The following APOL3 variants were observed in gnomAD, a reference collection of about 807,000 sequenced individuals.
APOL3 encodes the protein apolipoprotein L3.
A neutral mutation model predicts 11.6 loss-of-function variants in APOL3; 14 were observed. That is an observed-to-expected ratio of 1.21 (90% CI 0.80 to 1.89). The LOEUF (loss-of-function observed/expected upper bound fraction) is 1.89, where lower values mean the gene tolerates loss of function less well. Ranked by LOEUF, APOL3 falls within the 40% of genes most tolerant of loss-of-function variation. APOL3 has a pLI of 0.00. For synonymous variants in APOL3, 192 were observed against 190.6 expected, an observed-to-expected ratio of 1.01 and a Z score of -0.06; for missense variants, 483 against 492.1, an observed-to-expected ratio of 0.98 and a Z score of 0.17.
intron 1 of APOL3, 104 bp downstream of exon 1, chr22:36,160,565 T>A: frequency 1.6e-6 from 2 of 1,250,500 alleles, no homozygotes; most frequent in Non-Finnish European, 2.3e-6. Context: ...CTCAGTCAGT[T>A]ACCTAACCTC....
chr22:36,160,433 G>C (rs2013590733), intron 1 of APOL3, among the ~76,000 whole-genome samples: 1 of 152,200 alleles, frequency 6.6e-6, no homozygotes, highest in South Asian at 2.1e-4. Context: ...AGGAAGCTTT[G>C]TGAACCCAGC....
exon 3 of APOL3, chr22:36,141,302 A>G: frequency 1.2e-6 from 2 of 1,614,142 alleles, no homozygotes; most frequent in Non-Finnish European, 1.7e-6. Context: ...CAGCAGATGC[A>G]GACTTTGCCC....
chr22:36,146,017 A>ACACG (rs2060202083), intron 1 of APOL3: 1 of 120,344 alleles, frequency 8.3e-6, no homozygotes, highest in African/African-American at 2.7e-5. Context: ...ACTCACACAC[A>ACACG]CACACACACA....
In APOL3 at chr22:36,146,549, T is replaced by C. The variant is rs1443034259; in HGVS notation, c.224-950A>G. 4.0e-5 allele frequency: 6 copies of C among 151,214 alleles called. No homozygotes were observed. The East Asian group carries it at 1.2e-3, about 29-fold the overall frequency. The allele number at this position is 151,214 out of a possible 1,614,324, so 9.4% of individuals were successfully genotyped here. ...ATTCTTTTGTAAGATATTTGAAATA[T>C]ATATAATATATATATACATAAGGGT... is the stretch of plus-strand genomic sequence containing the variant. On this transcript the variant is annotated intron_variant, in intron 1 of 2. Coordinates refer to ENST00000349314, the Ensembl canonical transcript of APOL3.
chr22:36,154,673 T>A (rs1430362048), intron 1 of APOL3: 6 of 469,962 alleles, frequency 1.3e-5, no homozygotes, highest in Non-Finnish European at 2.2e-5. Flanking sequence ...ACACACAGGG[T>A]GACTCTGAGA....
At chr22:36,141,726 G>A (rs780350029) in exon 3 of APOL3, 1 of 1,614,006 alleles carries the variant, frequency 6.2e-7, no homozygotes, top group South Asian at 1.1e-5. Context: ...AGCAGACGCT[G>A]CTCCCAGCCC....
chr22:36,145,594 T>A lies in APOL3; in HGVS notation c.229A>T (p.Lys77Ter). The change falls in exon 2 of 3, where the codon AAA (lysine) becomes TAA (stop). Residue 77 changes from lysine to a stop codon, truncating the protein, a stop_gained. Transcript: ENST00000349314. LOFTEE classifies it high-confidence loss of function. The stretch of plus-strand genomic sequence containing the variant: ...TTGGTGGCCTCTTCAGTAAAGCGTT[T>A]CTTTTCTACTTGGAAACAAAAAGCA... 2.5e-6 allele frequency: 4 copies of A among 1,613,614 alleles called. No homozygotes were observed. The highest frequency in any genetic ancestry group is 3.4e-6 in the Non-Finnish European group (4 of 1,179,880).
At position 36,160,758 on chromosome 22, in the gene APOL3, C is replaced by G; in HGVS notation, c.134G>C (p.Gly45Ala). Residue 45 changes from glycine (G) to alanine (A), a missense_variant, in exon 1 of 3, where the codon GGT becomes GCT. Coordinates refer to ENST00000349314, the Ensembl canonical transcript of APOL3. ...CTCCAGCCGTGCATCTGCATAATAA[C>G]CAGACACGTTCTCCAGGCTCTGAGA... 1 of 1,614,158 alleles carries G rather than the reference C, an allele frequency of 6.2e-7. No individual in the cohort carries two copies. Among genetic ancestry groups the G allele is most frequent in the Non-Finnish European group, 8.5e-7 (1 of 1,180,026 alleles).
intron 2 of APOL3, among the ~76,000 whole-genome samples, chr22:36,144,158 G>A (rs1340323532): frequency 6.6e-6 from 1 of 152,100 alleles, no homozygotes; most frequent in African/African-American, 2.4e-5. Context: ...ATCAGGGAGG[G>A]AAGAAATATC....
At chr22:36,154,545 G>A (rs2012419614) in intron 1 of APOL3, 3 of 460,106 alleles carry the variant, frequency 6.5e-6, no homozygotes, top group African/African-American at 6.0e-5. Flanking sequence ...TTATGTTCCT[G>A]TTCGTAAGTG....
intron 1 of APOL3, chr22:36,149,642 C>A: frequency 2.8e-6 from 1 of 359,146 alleles, no homozygotes. Flanking sequence ...CAGAAGAAAC[C>A]TCAAATGTTA....
upstream of APOL3, among the ~76,000 whole-genome samples, chr22:36,162,286 C>G (rs1052204105): frequency 3.9e-5 from 6 of 152,168 alleles, no homozygotes; most frequent in African/African-American, 1.4e-4. Flanking sequence ...GTGGCCAGCA[C>G]ATCCTGAAGA....
At chr22:36,158,294 T>C (rs58988912) in intron 1 of APOL3, among the ~76,000 whole-genome samples, 3,927 of 152,036 alleles carry the variant, frequency 0.026, 159 homozygotes, top group African/African-American at 0.091. Context: ...GTGTGAAAGG[T>C]TCTGGTGTCC....
intron 2 of APOL3, among the ~76,000 whole-genome samples, chr22:36,144,329 C>A (rs2060107795): frequency 6.6e-6 from 1 of 152,162 alleles, no homozygotes; most frequent in Non-Finnish European, 1.5e-5. Context: ...CCTGGCTCTG[C>A]CCCTGAAACG....
At chr22:36,156,177 G>A (rs1603475606) in intron 1 of APOL3, 1 of 153,740 alleles carries the variant, frequency 6.5e-6, no homozygotes, top group East Asian at 1.9e-4. Flanking sequence ...TCACTGTAGT[G>A]TTGACGTTCT....
chr22:36,142,011 T>C, exon 3 of APOL3: 5 of 1,614,174 alleles, frequency 3.1e-6, no homozygotes, highest in Non-Finnish European at 4.2e-6. Context: ...AATAGCTGCA[T>C]ATGTTCTAAG....
chr22:36,148,444 G>A (rs2060297102), intron 1 of APOL3, among the ~76,000 whole-genome samples: 1 of 152,228 alleles, frequency 6.6e-6, no homozygotes, highest in South Asian at 2.1e-4. Context: ...ATGACCACAT[G>A]GGGAAATATT....
exon 3 of APOL3, chr22:36,142,044 G>T (rs1447517611): frequency 1.9e-6 from 3 of 1,611,946 alleles, no homozygotes; most frequent in East Asian, 4.5e-5. Context: ...TTCGTAGAGA[G>T]CATCTGCCTC....
rs150233239 is a variant in APOL3, at chr22:36,154,312, T to C, written c.223+6357A>G. ...GCTTATATTCAACAGTAATAATTGA[T>C]TGTGATTATTATGATCATGTTTACT... On this transcript the variant is annotated intron_variant, in intron 1 of 2. Coordinates refer to ENST00000349314, the Ensembl canonical transcript of APOL3. 129 of 224,142 alleles carry C rather than the reference T, an allele frequency of 5.8e-4. No homozygotes were observed. In the Middle Eastern group the frequency reaches 8.9e-3, roughly 15 times the overall value. The allele number at this position is 224,142 out of a possible 1,614,324, so 13.9% of individuals were successfully genotyped here.
Sources: allele counts gnomAD v4.1 joint callset (sites outside exome capture counted in the v4.1 genomes callset), GRCh38; gene constraint gnomAD v4.1.1; transcripts MANE v1.5; gene names NCBI Gene and HGNC (gene_info 2026-07-23, HGNC 2026-07-21).